The following RAD54L2 variants were observed in gnomAD, a reference collection of about 807,000 sequenced individuals.
RAD54L2 encodes the protein helicase ARIP4.
In RAD54L2, 27 loss-of-function variants were observed where a neutral mutation model predicts 138.4. The observed-to-expected ratio is 0.20, with a 90% CI of 0.14 to 0.27. RAD54L2 has a LOEUF of 0.27. Ranked by LOEUF, RAD54L2 falls within the 10% of genes least tolerant of loss-of-function variation. The pLI is 1.00. For missense variants in RAD54L2, 1,396 were observed against 1,890.2 expected, an observed-to-expected ratio of 0.74 and a Z score of 4.85; for synonymous variants, 644 against 723.2, an observed-to-expected ratio of 0.89 and a Z score of 1.76.
chr3:51,557,545 A>T (rs1699000802), intron 2 of RAD54L2, among the ~76,000 whole-genome samples: 1 of 151,620 alleles, frequency 6.6e-6, no homozygotes, highest in African/African-American at 2.4e-5. Flanking sequence ...TAATAAGAAC[A>T]TTCTTATGTT....
chr3:51,620,675 T>C (rs936634805), intron 3 of RAD54L2, among the ~76,000 whole-genome samples: 5 of 152,092 alleles, frequency 3.3e-5, no homozygotes, highest in Admixed American at 3.3e-4. Context: ...CCCAAGAAAC[T>C]TATGTAAGTG....
intron 2 of RAD54L2, among the ~76,000 whole-genome samples, chr3:51,559,155 G>A (rs1254886818): frequency 6.6e-6 from 1 of 152,092 alleles, no homozygotes; most frequent in Admixed American, 6.6e-5. Flanking sequence ...GATTACAGGC[G>A]TGTATTAATG....
At chr3:51,589,703 CACACAT>C (rs913441996) in intron 2 of RAD54L2, among the ~76,000 whole-genome samples, 5 of 151,592 alleles carry the variant, frequency 3.3e-5, no homozygotes, top group African/African-American at 7.3e-5. Flanking sequence ...CACACACACA[CACACAT>C]ACACACACAT....
Position 51,633,899 on chromosome 3 carries a change from T to A in RAD54L2, c.1009-3T>A. ...TCTCTTTTTGGACTTGGCTTTCTAA[T>A]AGGTTAATACTCTTCAGAATTGGCT... On this transcript the variant is annotated splice_region_variant and splice_polypyrimidine_tract_variant and intron_variant, in intron 8 of 22. Coordinates refer to ENST00000684192, the MANE Select transcript of RAD54L2 (RefSeq NM_015106.4). 1 of 1,610,022 alleles carries A rather than the reference T, an allele frequency of 6.2e-7. No individual in the cohort carries two copies. Among genetic ancestry groups the A allele is most frequent in the Non-Finnish European group, 8.5e-7 (1 of 1,178,410 alleles).
chr3:51,563,083 G>A (rs1437522183), intron 2 of RAD54L2, among the ~76,000 whole-genome samples: 1 of 152,124 alleles, frequency 6.6e-6, no homozygotes, highest in African/African-American at 2.4e-5. Flanking sequence ...GACCTGTCGT[G>A]TGTATCTTTG....
At chr3:51,660,912 G>A (rs906699485) in intron 22 of RAD54L2, among the ~76,000 whole-genome samples, 1 of 151,104 alleles carries the variant, frequency 6.6e-6, no homozygotes, top group Non-Finnish European at 1.5e-5. Flanking sequence ...GAGCCACCAC[G>A]CCAGGCCATA....
At chr3:51,649,295 A>T (rs1206079258) in intron 19 of RAD54L2, among the ~76,000 whole-genome samples, 1 of 152,192 alleles carries the variant, frequency 6.6e-6, no homozygotes, top group East Asian at 1.9e-4. Flanking sequence ...GAAATATGGG[A>T]CTATGTGAAA....
At chr3:51,632,177 A>C (rs1700861747) in intron 7 of RAD54L2, among the ~76,000 whole-genome samples, 1 of 152,216 alleles carries the variant, frequency 6.6e-6, no homozygotes, top group African/African-American at 2.4e-5. Flanking sequence ...GTGGCTGAAT[A>C]ATATTCCATT....
At chr3:51,572,586 C>T (rs1431687757) in intron 2 of RAD54L2, among the ~76,000 whole-genome samples, 5 of 151,372 alleles carry the variant, frequency 3.3e-5, no homozygotes, top group Admixed American at 2.0e-4. Context: ...CCACTGCACT[C>T]CAGCCTGGGC....
intron 7 of RAD54L2, among the ~76,000 whole-genome samples, chr3:51,632,656 G>A (rs62259677): frequency 0.11 from 16,161 of 150,210 alleles, 1,132 homozygotes; most frequent in Middle Eastern, 0.19. Context: ...CGCTTTGGGA[G>A]GCCGAGGTGG....
At chr3:51,582,281 C>T (rs1699624264) in intron 2 of RAD54L2, among the ~76,000 whole-genome samples, 1 of 152,188 alleles carries the variant, frequency 6.6e-6, no homozygotes. Context: ...TAACATCCTA[C>T]ATACACAGAA....
intron 3 of RAD54L2, among the ~76,000 whole-genome samples, chr3:51,625,101 A>C (rs2106786661): frequency 6.6e-6 from 1 of 152,240 alleles, no homozygotes; most frequent in South Asian, 2.1e-4. Context: ...ACTTGACTAC[A>C]TACTCATAGA....
chr3:51,551,979 T>A (rs182018221), intron 2 of RAD54L2, among the ~76,000 whole-genome samples: 17 of 151,966 alleles, frequency 1.1e-4, no homozygotes, highest in Admixed American at 1.0e-3. Flanking sequence ...CTCAATCTCT[T>A]GACCTCGTGA....
At chr3:51,627,140 A>G (rs930895740) in intron 3 of RAD54L2, among the ~76,000 whole-genome samples, 18 of 152,200 alleles carry the variant, frequency 1.2e-4, no homozygotes, top group African/African-American at 3.6e-4. Context: ...TTTAAGACAG[A>G]TGAGAGGTGA....
chr3:51,557,872 T>A (rs1213872464), intron 2 of RAD54L2, among the ~76,000 whole-genome samples: 1 of 151,808 alleles, frequency 6.6e-6, no homozygotes, highest in Non-Finnish European at 1.5e-5. Context: ...CTATTTTATT[T>A]TTTTGAGACA....
intron 2 of RAD54L2, among the ~76,000 whole-genome samples, chr3:51,559,034 T>G (rs978467506): frequency 3.3e-5 from 5 of 151,608 alleles, no homozygotes; most frequent in African/African-American, 1.2e-4. Context: ...CCACCACACC[T>G]GGCAAATTTT....
chr3:51,649,138 C>G (rs753292223), intron 19 of RAD54L2, among the ~76,000 whole-genome samples: 5 of 151,872 alleles, frequency 3.3e-5, no homozygotes, highest in African/African-American at 1.2e-4. Context: ...AACCATGGCA[C>G]GAGAACTACA....
chr3:51,554,239 C>T (rs1489018818), intron 2 of RAD54L2, among the ~76,000 whole-genome samples: 4 of 151,954 alleles, frequency 2.6e-5, no homozygotes, highest in East Asian at 1.9e-4. Context: ...TGGTGGTGCA[C>T]GCCTATAATC....
At chr3:51,571,257 GC>G (rs1699331520) in intron 2 of RAD54L2, among the ~76,000 whole-genome samples, 2 of 151,894 alleles carry the variant, frequency 1.3e-5, no homozygotes, top group South Asian at 4.2e-4. Flanking sequence ...GTTCATCCCA[GC>G]CTTTGCCCCT....
Sources: allele counts gnomAD v4.1 joint callset (sites outside exome capture counted in the v4.1 genomes callset), GRCh38; gene constraint gnomAD v4.1.1; transcripts MANE v1.5; gene names NCBI Gene and HGNC (gene_info 2026-07-23, HGNC 2026-07-21).